The following RANBP17 variants were observed in gnomAD, a reference collection of about 807,000 sequenced individuals.
The protein encoded by RANBP17 is RAN binding protein 17.
Under a neutral mutation model 141.2 loss-of-function variants are expected in RANBP17, and 158 were observed. The ratio of observed to expected loss-of-function variants is 1.12; its 90% CI spans 0.98 to 1.28. The LOEUF (loss-of-function observed/expected upper bound fraction) is 1.28, where lower values mean the gene tolerates loss of function less well. Among genes scored for constraint, RANBP17 ranks in the 50% most tolerant of loss-of-function variants. RANBP17 has a pLI of 0.00. For missense variants in RANBP17, 1,438 were observed against 1,290.7 expected, an observed-to-expected ratio of 1.11 and a Z score of -1.75; for synonymous variants, 430 against 450.0, an observed-to-expected ratio of 0.96 and a Z score of 0.56.
intron 14 of RANBP17, among the ~76,000 whole-genome samples, chr5:171,038,408 T>G (rs1226142255): frequency 1.3e-5 from 2 of 152,102 alleles, no homozygotes; most frequent in Non-Finnish European, 2.9e-5. Flanking sequence ...AGAGATAGTT[T>G]GACTTCTTTT....
At chr5:170,897,381 A>G (rs1770226499) in intron 5 of RANBP17, 3 of 455,942 alleles carry the variant, frequency 6.6e-6, no homozygotes, top group East Asian at 5.4e-5. Flanking sequence ...TAAATATTCC[A>G]TTGCGCGTAT....
chr5:171,210,209 A>G (rs1186746043), intron 20 of RANBP17, among the ~76,000 whole-genome samples: 1 of 152,086 alleles, frequency 6.6e-6, no homozygotes, highest in Non-Finnish European at 1.5e-5. Flanking sequence ...GCCATTGGAA[A>G]ATTAAACTCC....
rs75333190 is a variant in RANBP17, at chr5:171,000,585, G to A, written c.1710+32208G>A. ...TGTGTCACACGCATCCGTGTCATGC[G>A]CGTCCGTGTGAAGAGACCACCAAAC... On this transcript the variant is annotated intron_variant, in intron 14 of 27. Coordinates refer to ENST00000523189, the MANE Select transcript of RANBP17 (RefSeq NM_022897.5). Among the ~76,000 whole-genome samples, 1,157 of 152,228 alleles carry A rather than the reference G, an allele frequency of 7.6e-3. 14 individuals carry two copies. Among genetic ancestry groups the A allele is most frequent in the African/African-American group, 0.026 (1,087 of 41,524 alleles).
chr5:171,269,982 C>T (rs1229606590), intron 25 of RANBP17, among the ~76,000 whole-genome samples: 1 of 152,132 alleles, frequency 6.6e-6, no homozygotes, highest in East Asian at 1.9e-4. Flanking sequence ...TGTTTTTCCC[C>T]CCAACCTGGT....
In RANBP17 at chr5:171,089,270, C is replaced by T. The variant is rs907361140; in HGVS notation, c.1711-80860C>T. On this transcript the variant is annotated intron_variant, in intron 14 of 27. Transcript: ENST00000523189. Reference sequence around the variant, plus strand: ...GGGGGGGCCTCCCAGTTAGGCTGCTCGGGGGTCACGGGTCAGGGACCCACT... The same window carrying T: ...GGGGGGGCCTCCCAGTTAGGCTGCTTGGGGGTCACGGGTCAGGGACCCACT... Among the ~76,000 whole-genome samples the T allele has an allele frequency of 5.1e-5, 5 of 97,330 alleles. 1 individual carries two copies. The highest frequency in any genetic ancestry group is 5.4e-4 in the South Asian group (1 of 1,850). The allele number at this position is 97,330 out of a possible 152,430, so 63.9% of individuals were successfully genotyped here.
At chr5:171,088,579 C>T (rs1785903399) in intron 14 of RANBP17, among the ~76,000 whole-genome samples, 3 of 152,226 alleles carry the variant, frequency 2.0e-5, no homozygotes, top group South Asian at 4.1e-4. Context: ...TTTCCATTCT[C>T]CCCGTCACTT....
At position 171,083,282 on chromosome 5, in the gene RANBP17, A is replaced by G. The variant is rs369417475; in HGVS notation, c.1711-86848A>G. ...AAGACATGAGAGTGGAACCTTCATG[A>G]AAGACATAAGTGCCCTTATAAAAAG... On this transcript the variant is annotated intron_variant, in intron 14 of 27. Coordinates refer to ENST00000523189, the MANE Select transcript of RANBP17 (RefSeq NM_022897.5). Among the ~76,000 whole-genome samples, 62 of 152,274 alleles carry G rather than the reference A, an allele frequency of 4.1e-4. 1 individual carries two copies. The South Asian group carries it at 0.012, about 31-fold the overall frequency.
chr5:171,209,889 A>G (rs1051009570), intron 20 of RANBP17, among the ~76,000 whole-genome samples: 10 of 152,186 alleles, frequency 6.6e-5, no homozygotes, highest in African/African-American at 2.4e-4. Context: ...CTTGTCTCCT[A>G]ACACTTTTAA....
At chr5:171,134,405 T>C (rs955047914) in intron 14 of RANBP17, among the ~76,000 whole-genome samples, 1 of 152,216 alleles carries the variant, frequency 6.6e-6, no homozygotes, top group African/African-American at 2.4e-5. Flanking sequence ...AAATTTTTCA[T>C]TGAAATAATC....
intron 24 of RANBP17, among the ~76,000 whole-genome samples, chr5:171,247,353 C>A (rs185102799): frequency 3.9e-5 from 6 of 152,296 alleles, no homozygotes; most frequent in Admixed American, 1.3e-4. Context: ...CCTGTGTCAT[C>A]AAGAAAGGGG....
intron 22 of RANBP17, among the ~76,000 whole-genome samples, chr5:171,237,018 C>T (rs1352305883): frequency 6.6e-6 from 1 of 152,134 alleles, no homozygotes; most frequent in African/African-American, 2.4e-5. Context: ...AAGAGGAAGA[C>T]ATCCTGGAGT....
At chr5:171,155,094 AATAT>A (rs1554106866) in intron 14 of RANBP17, among the ~76,000 whole-genome samples, 47 of 74,944 alleles carry the variant, frequency 6.3e-4, no homozygotes, top group East Asian at 1.9e-3. Context: ...AAAAAAAAAA[AATAT>A]ATATATATAT....
intron 13 of RANBP17, among the ~76,000 whole-genome samples, chr5:170,955,456 A>C (rs983602353): frequency 2.9e-4 from 22 of 75,614 alleles, no homozygotes; most frequent in Admixed American, 7.7e-4. Context: ...AGCTCAGTAT[A>C]TATATATATC....
chr5:171,017,598 G>A (rs1780538187), intron 14 of RANBP17, among the ~76,000 whole-genome samples: 1 of 152,030 alleles, frequency 6.6e-6, no homozygotes, highest in African/African-American at 2.4e-5. Flanking sequence ...TTTTGATGGG[G>A]TTGTATGTTG....
chr5:171,073,884 A>G (rs1460952687), intron 14 of RANBP17, among the ~76,000 whole-genome samples: 1 of 150,442 alleles, frequency 6.6e-6, no homozygotes, highest in Non-Finnish European at 1.5e-5. Flanking sequence ...ACAAAATGGG[A>G]TGTTATATTT....
chr5:170,862,048 C>T lies in RANBP17; in HGVS notation c.15C>T (p.Phe5=), dbSNP rs1766819359. The change falls in exon 1 of 28, where the codon TTC becomes TTT. Residue 5 remains phenylalanine (F), a synonymous_variant. Transcript: ENST00000523189. MALH[F]QSLAELEVLC... is the part of the protein sequence containing the mutation. ...CTCCTGGGAAGATGGCGCTGCACTTCCAGGTCAGTGTGCTCTGCGCCGCGG... is the reference window on the plus strand; with the variant it reads ...CTCCTGGGAAGATGGCGCTGCACTTTCAGGTCAGTGTGCTCTGCGCCGCGG... 1.4e-6 allele frequency: 2 copies of T among 1,463,920 alleles called. No individual in the cohort carries two copies. The highest frequency in any genetic ancestry group is 2.5e-5 in the Admixed American group (1 of 39,728). The allele number at this position is 1,463,920 out of a possible 1,614,324, so 90.7% of individuals were successfully genotyped here.
intron 18 of RANBP17, among the ~76,000 whole-genome samples, chr5:171,184,598 A>G (rs952614976): frequency 6.6e-6 from 1 of 152,208 alleles, no homozygotes; most frequent in Admixed American, 6.5e-5. Flanking sequence ...AAAAATGCTA[A>G]GAGAATGGAT....
At chr5:171,275,013 T>C (rs1436961481) in intron 25 of RANBP17, among the ~76,000 whole-genome samples, 2 of 152,196 alleles carry the variant, frequency 1.3e-5, no homozygotes. Flanking sequence ...TTTCTACCTC[T>C]AAGCACAGTT....
At chr5:171,248,905 G>T (rs774080267) in intron 24 of RANBP17, among the ~76,000 whole-genome samples, 3 of 151,974 alleles carry the variant, frequency 2.0e-5, no homozygotes, top group Non-Finnish European at 1.5e-5. Context: ...GAATCTGCTC[G>T]CCCACCCAGC....
Sources: allele counts gnomAD v4.1 joint callset (sites outside exome capture counted in the v4.1 genomes callset), GRCh38; gene constraint gnomAD v4.1.1; transcripts MANE v1.5; gene names NCBI Gene and HGNC (gene_info 2026-07-23, HGNC 2026-07-21).